The following PTPRR variants were observed in gnomAD, a reference collection of about 807,000 sequenced individuals.
PTPRR encodes receptor-type tyrosine-protein phosphatase R.
PTPRR carries 38 observed loss-of-function variants against 77.2 expected under a neutral mutation model. The ratio of observed to expected loss-of-function variants is 0.49; its 90% CI spans 0.38 to 0.65. The LOEUF (loss-of-function observed/expected upper bound fraction) is 0.65. Among genes scored for constraint, PTPRR ranks in the 30% least tolerant of loss-of-function variants. The probability of loss-of-function intolerance (pLI) is 0.00; values close to 1 mark genes in which losing one functional copy is unlikely to be tolerated. For synonymous variants in PTPRR, 299 were observed against 283.1 expected (o/e 1.06, Z -0.57); for missense variants, 744 against 799.2 (o/e 0.93, Z 0.83).
intron 1 of PTPRR, among the ~76,000 whole-genome samples, chr12:70,916,416 T>C (rs903615733): frequency 6.6e-6 from 1 of 152,200 alleles, no homozygotes; most frequent in Non-Finnish European, 1.5e-5. Flanking sequence ...AGGTCTATAT[T>C]GAGTGATTTT....
chr12:70,677,720 G>A (rs1887499989), intron 10 of PTPRR, among the ~76,000 whole-genome samples: 1 of 152,168 alleles, frequency 6.6e-6, no homozygotes, highest in Non-Finnish European at 1.5e-5. Context: ...ATTAGTTTGT[G>A]TAAACTGAAC....
chr12:70,913,239 C>CA (rs1157318492), intron 1 of PTPRR, among the ~76,000 whole-genome samples: 3 of 151,976 alleles, frequency 2.0e-5, no homozygotes, highest in Admixed American at 6.6e-5. Flanking sequence ...CTTTATGGTT[C>CA]TATAAAGACT....
intron 10 of PTPRR, among the ~76,000 whole-genome samples, chr12:70,678,841 C>A (rs950286375): frequency 1.3e-5 from 2 of 151,918 alleles, no homozygotes; most frequent in Non-Finnish European, 2.9e-5. Context: ...ACCACCAGGC[C>A]CAGTTAATTT....
chr12:70,894,615 A>G (rs906473463), intron 1 of PTPRR, among the ~76,000 whole-genome samples: 19 of 151,738 alleles, frequency 1.3e-4, no homozygotes, highest in African/African-American at 4.3e-4. Flanking sequence ...TTAGTAAAAT[A>G]ATAAATACAC....
At chr12:70,666,654 T>TA (rs1233249811) in intron 10 of PTPRR, among the ~76,000 whole-genome samples, 1 of 152,146 alleles carries the variant, frequency 6.6e-6, no homozygotes, top group Non-Finnish European at 1.5e-5. Flanking sequence ...GTCTCTAAGT[T>TA]AAAAAATCTA....
intron 2 of PTPRR, among the ~76,000 whole-genome samples, chr12:70,852,227 G>A (rs894992395): frequency 1.3e-5 from 2 of 152,032 alleles, no homozygotes; most frequent in Admixed American, 6.6e-5. Flanking sequence ...GATGTAAAGG[G>A]TTGGAAAAAT....
chr12:70,645,326 A>G (rs1327266007), intron 13 of PTPRR, among the ~76,000 whole-genome samples: 2 of 152,228 alleles, frequency 1.3e-5, no homozygotes, highest in African/African-American at 2.4e-5. Context: ...AAGTTTTACA[A>G]GGTTTAAATG....
Position 70,795,940 on chromosome 12 carries a change from T to TTTTTTTTTTTTTTTG in PTPRR, c.358-31163_358-31162insCAAAAAAAAAAAAAA, listed in dbSNP as rs1436544409. ...TTTTTTTTTTTTTTTTTTTTTTTTT[T>TTTTTTTTTTTTTTTG]TGACACAGAGTCTTGCCCTGTGACC... On this transcript the variant is annotated intron_variant, in intron 2 of 13. Coordinates refer to ENST00000283228, the MANE Select transcript of PTPRR (RefSeq NM_002849.4). Among the ~76,000 whole-genome samples the TTTTTTTTTTTTTTTG allele has an allele frequency of 2.2e-5, 3 of 133,446 alleles. 1 individual carries two copies. The highest frequency in any genetic ancestry group is 4.8e-5 in the Non-Finnish European group (3 of 62,132). The allele number at this position is 133,446 out of a possible 152,430, so 87.5% of individuals were successfully genotyped here.
intron 6 of PTPRR, among the ~76,000 whole-genome samples, chr12:70,740,082 G>A (rs1433768477): frequency 1.3e-5 from 2 of 152,076 alleles, no homozygotes; most frequent in South Asian, 4.2e-4. Flanking sequence ...ATGAAAGATT[G>A]TTATAGCAAG....
At chr12:70,662,136 C>G (rs111869746) in intron 11 of PTPRR, among the ~76,000 whole-genome samples, 1 of 151,952 alleles carries the variant, frequency 6.6e-6, no homozygotes, top group Non-Finnish European at 1.5e-5. Flanking sequence ...CCAGGCCTTA[C>G]GCAAAGCTGC....
At chr12:70,888,344 A>C (rs1213467296) in intron 2 of PTPRR, among the ~76,000 whole-genome samples, 1 of 152,168 alleles carries the variant, frequency 6.6e-6, no homozygotes, top group African/African-American at 2.4e-5. Context: ...CATGGTCAAT[A>C]ATATTTTCCC....
chr12:70,759,349 G>A (rs896534960), intron 4 of PTPRR, among the ~76,000 whole-genome samples: 3 of 152,150 alleles, frequency 2.0e-5, no homozygotes, highest in African/African-American at 7.2e-5. Context: ...AACCCACAGT[G>A]TAGAGATGAG....
At chr12:70,782,892 G>T (rs566964708) in intron 2 of PTPRR, among the ~76,000 whole-genome samples, 449 of 152,212 alleles carry the variant, frequency 2.9e-3, no homozygotes, top group Non-Finnish European at 4.8e-3. Context: ...TAAGATAGGG[G>T]TTAGTAAGGC....
intron 4 of PTPRR, among the ~76,000 whole-genome samples, chr12:70,757,318 TG>T (rs1890586240): frequency 6.6e-6 from 1 of 152,182 alleles, no homozygotes; most frequent in South Asian, 2.1e-4. Context: ...AATTTGCAAT[TG>T]AACAACAACA....
chr12:70,795,024 T>C (rs1891486956), intron 2 of PTPRR, among the ~76,000 whole-genome samples: 1 of 152,062 alleles, frequency 6.6e-6, no homozygotes, highest in South Asian at 2.1e-4. Context: ...AGAGGTGTGG[T>C]AAGAGAGAGG....
rs555404851 is a variant in PTPRR, at chr12:70,894,087, T to C, written c.59-1110A>G. Among the ~76,000 whole-genome samples the C allele has an allele frequency of 9.2e-5, 14 of 152,008 alleles. 1 individual carries two copies. The South Asian group carries it at 2.7e-3, about 29-fold the overall frequency. ...CAAACATGAGATCTGTTTTATAACA[T>C]AGTCCCTAGCAATGGTACCCCAGAT... On this transcript the variant is annotated intron_variant, in intron 1 of 13. Coordinates refer to ENST00000283228, the MANE Select transcript of PTPRR (RefSeq NM_002849.4).
chr12:70,881,781 G>C (rs1481324028), intron 2 of PTPRR, among the ~76,000 whole-genome samples: 1 of 152,188 alleles, frequency 6.6e-6, no homozygotes, highest in Non-Finnish European at 1.5e-5. Flanking sequence ...ATGATAAATA[G>C]CTATGGTGAC....
intron 6 of PTPRR, among the ~76,000 whole-genome samples, chr12:70,724,264 T>A (rs1047392866): frequency 6.6e-6 from 1 of 152,166 alleles, no homozygotes; most frequent in Non-Finnish European, 1.5e-5. Context: ...ACCAGTATAG[T>A]GGTTAAGAGT....
At chr12:70,671,808 C>T (rs182489451) in intron 10 of PTPRR, 40 of 552,138 alleles carry the variant, frequency 7.2e-5, no homozygotes, top group African/African-American at 1.7e-4. Context: ...TGCAGTTCCC[C>T]GGCTAGCTGC....
Sources: gnomAD v4.1 joint callset for allele counts (sites outside exome capture counted in the v4.1 genomes callset) on GRCh38, gnomAD v4.1.1 for gene constraint, MANE v1.5 for transcripts, NCBI Gene and HGNC (gene_info 2026-07-23, HGNC 2026-07-21) for gene names.